HDAC9: variants seen among roughly 807,000 people sequenced by gnomAD.
HDAC9 encodes the protein MEF-2 interacting transcription repressor (MITR) protein.
Under a neutral mutation model 139.4 loss-of-function variants are expected in HDAC9, and 41 were observed. The observed-to-expected ratio is 0.29, with a 90% confidence interval of 0.23 to 0.38. The LOEUF (loss-of-function observed/expected upper bound fraction) is 0.38, where lower values mean the gene tolerates loss of function less well. Among genes scored for constraint, HDAC9 ranks in the 10% least tolerant of loss-of-function variants. HDAC9 has a pLI of 1.00. For missense variants in HDAC9, 1,147 were observed against 1,297.0 expected (o/e 0.88, Z 1.78); for synonymous variants, 517 against 476.2 (o/e 1.09, Z -1.12).
chr7:18,927,720 G>A (rs1317999083), intron 22 of HDAC9, among the ~76,000 whole-genome samples: 2 of 152,188 alleles, frequency 1.3e-5, no homozygotes, highest in Admixed American at 1.3e-4. Context: ...AATTGGTAGT[G>A]AGACTTTTTA....
At chr7:18,580,856 T>A (rs1411804388) in intron 2 of HDAC9, among the ~76,000 whole-genome samples, 6 of 152,176 alleles carry the variant, frequency 3.9e-5, no homozygotes, top group Admixed American at 2.6e-4. Flanking sequence ...GATGTAAAAG[T>A]GACCATAACT....
rs79869842 is a variant in HDAC9, at chr7:18,792,267, TAAAAAAAA to T, written c.2215-1069_2215-1062del. Among the ~76,000 whole-genome samples, 10 of 141,350 alleles carry T rather than the reference TAAAAAAAA, an allele frequency of 7.1e-5. 1 individual carries two copies. Among genetic ancestry groups the T allele is most frequent in the African/African-American group, 2.4e-4 (9 of 37,640 alleles). The allele number at this position is 141,350 out of a possible 152,430, so 92.7% of individuals were successfully genotyped here. Reference sequence around the variant, plus strand: ...CTTGCATTTAATTCTCTTTTTTTTTTAAAAAAAAAAAAAAAAGCTTTGTTTTATGCAGA... The same window carrying T: ...CTTGCATTTAATTCTCTTTTTTTTTTAAAAAAAAGCTTTGTTTTATGCAGA... On this transcript the variant is annotated intron_variant, in intron 16 of 25. Coordinates refer to ENST00000686413, the MANE Select transcript of HDAC9 (RefSeq NM_178425.4).
intron 1 of HDAC9, among the ~76,000 whole-genome samples, chr7:18,317,116 A>AATAG (rs1433244974): frequency 6.9e-6 from 1 of 145,378 alleles, no homozygotes; most frequent in East Asian, 2.1e-4. Flanking sequence ...TAAATAAATA[A>AATAG]ATAAATAAAT....
chr7:18,709,760 G>A (rs1355961559), intron 12 of HDAC9, among the ~76,000 whole-genome samples: 1 of 152,230 alleles, frequency 6.6e-6, no homozygotes, highest in South Asian at 2.1e-4. Flanking sequence ...GCCCTGTGTT[G>A]TCCTGGCCTC....
At chr7:18,864,306 C>A (rs1378210994) in intron 21 of HDAC9, among the ~76,000 whole-genome samples, 1 of 152,174 alleles carries the variant, frequency 6.6e-6, no homozygotes, top group African/African-American at 2.4e-5. Context: ...ATTTCACTTA[C>A]ATGAGGTATC....
chr7:18,782,706 T>TA (rs965368457), intron 16 of HDAC9, among the ~76,000 whole-genome samples: 32 of 151,768 alleles, frequency 2.1e-4, no homozygotes, highest in Admixed American at 4.6e-4. Flanking sequence ...TGCGGGGATT[T>TA]TTTTTTCTTA....
chr7:18,442,290 T>A lies in HDAC9; in HGVS notation c.-41-53972T>A, dbSNP rs189651913. ...TAAGAGTGGTTGGGAAGACTTCTAATTTTTTTTCCTGTCCATTCATCTCTC... is the reference window on the plus strand; with the variant it reads ...TAAGAGTGGTTGGGAAGACTTCTAAATTTTTTTCCTGTCCATTCATCTCTC... On this transcript the variant is annotated intron_variant, in intron 1 of 3. Coordinates refer to the HDAC9 transcript ENST00000413509. Among the ~76,000 whole-genome samples the A allele has an allele frequency of 2.3e-3, 348 of 152,224 alleles. 2 individuals carry two copies. The highest frequency in any genetic ancestry group is 6.5e-3 in the African/African-American group (268 of 41,538).
At chr7:18,481,672 T>C (rs950926587) in intron 1 of HDAC9, among the ~76,000 whole-genome samples, 7 of 152,210 alleles carry the variant, frequency 4.6e-5, no homozygotes, top group African/African-American at 1.4e-4. Context: ...TGTGAGTTAA[T>C]CAACTGCAGA....
intron 13 of HDAC9, among the ~76,000 whole-genome samples, chr7:18,729,862 T>C (rs1785887905): frequency 6.6e-6 from 1 of 152,222 alleles, no homozygotes; most frequent in South Asian, 2.1e-4. Context: ...TAATAGGCAT[T>C]CAATAAACAT....
intron 1 of HDAC9, among the ~76,000 whole-genome samples, chr7:18,331,030 C>A (rs933989799): frequency 4.0e-5 from 6 of 151,654 alleles, no homozygotes; most frequent in African/African-American, 1.5e-4. Context: ...TAACTGGTTT[C>A]TCTGTTATCA....
At chr7:18,893,211 C>T (rs968612333) in intron 22 of HDAC9, among the ~76,000 whole-genome samples, 4 of 152,060 alleles carry the variant, frequency 2.6e-5, no homozygotes, top group South Asian at 2.1e-4. Context: ...AGCTGTAAAC[C>T]GTAAGCTACA....
intron 1 of HDAC9, among the ~76,000 whole-genome samples, chr7:18,459,652 AC>A: frequency 1.3e-5 from 2 of 152,288 alleles, no homozygotes; most frequent in African/African-American, 4.8e-5. Flanking sequence ...TATTCAAATT[AC>A]AAATTAACAT....
chr7:18,756,703 A>G (rs943774556), intron 14 of HDAC9, among the ~76,000 whole-genome samples: 7 of 152,206 alleles, frequency 4.6e-5, no homozygotes, highest in African/African-American at 1.7e-4. Flanking sequence ...AAAGGCCCAT[A>G]GAGATATCTC....
chr7:18,675,703 C>T (rs867462320), intron 12 of HDAC9, among the ~76,000 whole-genome samples: 58 of 152,094 alleles, frequency 3.8e-4, no homozygotes, highest in African/African-American at 1.1e-3. Context: ...AATATGTATA[C>T]GGCCCAGGTC....
At chr7:18,990,648 T>C (rs1485932236) in intron 25 of HDAC9, among the ~76,000 whole-genome samples, 1 of 152,220 alleles carries the variant, frequency 6.6e-6, no homozygotes, top group Non-Finnish European at 1.5e-5. Flanking sequence ...TCCCCCAGCC[T>C]GGCTGCCGCC....
At chr7:18,924,791 G>A (rs912980349) in intron 22 of HDAC9, among the ~76,000 whole-genome samples, 3 of 152,060 alleles carry the variant, frequency 2.0e-5, no homozygotes, top group African/African-American at 7.2e-5. Context: ...TATGCTAGTT[G>A]AAAATATCAG....
chr7:18,732,963 A>ATG (rs1456121987), intron 13 of HDAC9, among the ~76,000 whole-genome samples: 9 of 134,552 alleles, frequency 6.7e-5, no homozygotes, highest in Non-Finnish European at 1.4e-4. Context: ...ATGTGTGTGT[A>ATG]TGTGTATATA....
intron 1 of HDAC9, among the ~76,000 whole-genome samples, chr7:18,308,232 G>C (rs1481460639): frequency 1.3e-5 from 2 of 152,122 alleles, no homozygotes; most frequent in East Asian, 3.8e-4. Context: ...TATGAACTAG[G>C]TTAATTAAAA....
chr7:18,909,893 GC>G (rs1802595384), intron 22 of HDAC9, among the ~76,000 whole-genome samples: 1 of 151,896 alleles, frequency 6.6e-6, no homozygotes, highest in African/African-American at 2.4e-5. Flanking sequence ...GTAGTTTGAT[GC>G]TTTTAGCTTT....
Sources: allele counts gnomAD v4.1 joint callset (sites outside exome capture counted in the v4.1 genomes callset), GRCh38; gene constraint gnomAD v4.1.1; transcripts MANE v1.5; gene names NCBI Gene and HGNC (gene_info 2026-07-23, HGNC 2026-07-21).